Variants in PDE1A observed in about 807,000 individuals in gnomAD.
The protein encoded by PDE1A is phosphodiesterase 1A.
Under a neutral mutation model 61.7 loss-of-function variants are expected in PDE1A, and 35 were observed. The ratio of observed to expected loss-of-function variants is 0.57; its 90% CI spans 0.43 to 0.75. The LOEUF is 0.75. PDE1A is among the 30% of genes least tolerant of loss of function. The pLI, the probability that PDE1A is intolerant of heterozygous loss-of-function variation, is 0.00. For missense variants in PDE1A, 597 were observed against 630.6 expected (o/e 0.95, Z 0.57); for synonymous variants, 232 against 213.2 (o/e 1.09, Z -0.77).
At chr2:182,590,479 G>T in the PDE1A span, among the ~76,000 whole-genome samples, 2 of 152,004 alleles carry the variant, frequency 1.3e-5, no homozygotes, top group Non-Finnish European at 2.9e-5. Flanking sequence ...AAAAAAAAAT[G>T]TGTGTGCACA....
intron 1 of PDE1A, among the ~76,000 whole-genome samples, chr2:182,397,601 A>C (rs1408070641): frequency 6.6e-6 from 1 of 152,174 alleles, no homozygotes; most frequent in Non-Finnish European, 1.5e-5. Flanking sequence ...TGAGTATTTC[A>C]AAGACCCATT....
At chr2:182,455,763 G>C (rs1194520864) in intron 2 of PDE1A, among the ~76,000 whole-genome samples, 3 of 152,116 alleles carry the variant, frequency 2.0e-5, no homozygotes, top group Non-Finnish European at 4.4e-5. Context: ...GTTGTGGGTG[G>C]GGGAATGGGG....
At chr2:182,599,585 CT>C in the PDE1A span, among the ~76,000 whole-genome samples, 15 of 152,136 alleles carry the variant, frequency 9.9e-5, no homozygotes, top group Non-Finnish European at 1.8e-4. Context: ...GTTATTATTT[CT>C]TATGTATGTT....
At chr2:182,459,500 G>A (rs1367204) in intron 2 of PDE1A, among the ~76,000 whole-genome samples, 27,762 of 152,100 alleles carry the variant, frequency 0.18, 3,053 homozygotes, top group Middle Eastern at 0.35. Context: ...GTCAGGTGAA[G>A]CTTGGTCAGA....
the PDE1A span, among the ~76,000 whole-genome samples, chr2:182,699,589 A>T: frequency 6.6e-6 from 1 of 152,198 alleles, no homozygotes; most frequent in Non-Finnish European, 1.5e-5. Flanking sequence ...AGACTATAGG[A>T]GGCTAGTTAG....
chr2:182,329,895 T>A (rs1309321077), intron 1 of PDE1A, among the ~76,000 whole-genome samples: 1 of 152,256 alleles, frequency 6.6e-6, no homozygotes, highest in Non-Finnish European at 1.5e-5. Flanking sequence ...CGGGTTGTTT[T>A]CTGTTTTGTT....
chr2:182,198,745 C>A (rs756417953), intron 10 of PDE1A, among the ~76,000 whole-genome samples: 15 of 151,706 alleles, frequency 9.9e-5, no homozygotes, highest in Non-Finnish European at 2.1e-4. Flanking sequence ...AAAAAAATTT[C>A]TCTTTCAGTT....
At chr2:182,604,754 G>A in the PDE1A span, among the ~76,000 whole-genome samples, 2 of 152,096 alleles carry the variant, frequency 1.3e-5, no homozygotes, top group East Asian at 3.8e-4. Flanking sequence ...AGAATTCACA[G>A]CATTCTAAGA....
intron 1 of PDE1A, among the ~76,000 whole-genome samples, chr2:182,352,262 G>A (rs1574427307): frequency 6.6e-6 from 1 of 152,240 alleles, no homozygotes; most frequent in East Asian, 1.9e-4. Flanking sequence ...CAAAGCCACT[G>A]CATGAGCAGT....
the PDE1A span, among the ~76,000 whole-genome samples, chr2:182,575,073 C>T: frequency 6.6e-6 from 1 of 152,194 alleles, no homozygotes. Context: ...CTACCTTCTT[C>T]TACGACCCAT....
chr2:182,602,981 T>TCACACACACACA, the PDE1A span, among the ~76,000 whole-genome samples: 4 of 148,670 alleles, frequency 2.7e-5, no homozygotes, highest in African/African-American at 1.0e-4. Context: ...CTAAAATACA[T>TCACACACACACA]CACACACACA....
At chr2:182,381,979 G>A (rs1164690595) in intron 1 of PDE1A, among the ~76,000 whole-genome samples, 1 of 151,740 alleles carries the variant, frequency 6.6e-6, no homozygotes, top group Non-Finnish European at 1.5e-5. Flanking sequence ...ATACATTTCT[G>A]TAACAATTAT....
intron 2 of PDE1A, among the ~76,000 whole-genome samples, chr2:182,437,742 T>C (rs890997401): frequency 6.6e-6 from 1 of 151,962 alleles, no homozygotes; most frequent in Non-Finnish European, 1.5e-5. Flanking sequence ...GTCCATCTAA[T>C]ATGATTCACT....
intron 2 of PDE1A, among the ~76,000 whole-genome samples, chr2:182,257,880 T>C (rs1651776627): frequency 6.6e-6 from 1 of 152,094 alleles, no homozygotes. Context: ...TTTGAAAGCA[T>C]CTATCAGCTG....
At chr2:182,256,038 C>CTTTTTTTTT (rs755211798) in intron 2 of PDE1A, among the ~76,000 whole-genome samples, 4 of 92,334 alleles carry the variant, frequency 4.3e-5, no homozygotes, top group Admixed American at 1.2e-4. Flanking sequence ...AGGATGACTT[C>CTTTTTTTTT]TTTTTTTTTT....
chr2:182,411,715 A>G (rs1702625592), intron 1 of PDE1A, among the ~76,000 whole-genome samples: 1 of 152,162 alleles, frequency 6.6e-6, no homozygotes, highest in Non-Finnish European at 1.5e-5. Context: ...CTTTACAACT[A>G]AAAGGATGCT....
the PDE1A span, among the ~76,000 whole-genome samples, chr2:182,610,099 A>G: frequency 1.3e-5 from 2 of 151,860 alleles, no homozygotes; most frequent in South Asian, 2.1e-4. Flanking sequence ...AAAAAAAAAA[A>G]AAAGAAAGAA....
intron 2 of PDE1A, among the ~76,000 whole-genome samples, chr2:182,500,559 C>G (rs754177318): frequency 2.0e-5 from 3 of 152,134 alleles, no homozygotes; most frequent in Non-Finnish European, 4.4e-5. Flanking sequence ...CCAAGAATTG[C>G]AAGAATTACT....
chr2:182,534,551 ATG>A, the PDE1A span, among the ~76,000 whole-genome samples: 1 of 151,832 alleles, frequency 6.6e-6, no homozygotes, highest in South Asian at 2.1e-4. Flanking sequence ...TTTATTACTA[ATG>A]AGAATTAATG....
Sources: gnomAD v4.1 joint callset for allele counts (sites outside exome capture counted in the v4.1 genomes callset) on GRCh38, gnomAD v4.1.1 for gene constraint, MANE v1.5 for transcripts, NCBI Gene and HGNC (gene_info 2026-07-23, HGNC 2026-07-21) for gene names.